The following PDGFD variants were observed in gnomAD, a reference collection of about 807,000 sequenced individuals.
PDGFD encodes platelet derived growth factor D, also known as platelet-derived growth factor D.
Under a neutral mutation model 44.7 loss-of-function variants are expected in PDGFD, and 30 were observed. The ratio of observed to expected loss-of-function variants is 0.67; its 90% CI spans 0.50 to 0.91. PDGFD has a LOEUF of 0.91. PDGFD is among the 40% of genes least tolerant of loss of function. PDGFD has a pLI of 0.00. For synonymous variants in PDGFD, 173 were observed against 168.4 expected (o/e 1.03, Z -0.21); for missense variants, 445 against 457.8 (o/e 0.97, Z 0.25).
intron 1 of PDGFD, among the ~76,000 whole-genome samples, chr11:104,149,846 AT>A (rs374747702): frequency 5.9e-4 from 89 of 150,728 alleles, no homozygotes; most frequent in African/African-American, 1.7e-3. Context: ...CCGGAAATTG[AT>A]TTTTTTTTTC....
At chr11:104,048,958 G>A (rs1860484548) in intron 1 of PDGFD, among the ~76,000 whole-genome samples, 1 of 152,104 alleles carries the variant, frequency 6.6e-6, no homozygotes, top group South Asian at 2.1e-4. Flanking sequence ...CAAAAAACCT[G>A]TAAGAATTAA....
chr11:103,963,505 C>G lies in PDGFD; in HGVS notation c.511-15781G>C, dbSNP rs1185906612. 4.6e-5 allele frequency among the ~76,000 whole-genome samples: 7 copies of G among 152,108 alleles called. 1 individual carries two copies. The highest frequency in any genetic ancestry group is 2.0e-4 in the Admixed American group (3 of 15,252). ...CAGTCCTTCACCACCCCATAATTAT[C>G]TACGATATCGTTCGTACAAAAGTAG... On this transcript the variant is annotated intron_variant, in intron 3 of 6. Transcript: ENST00000393158.
intron 1 of PDGFD, among the ~76,000 whole-genome samples, chr11:104,158,496 A>G (rs965000511): frequency 6.6e-6 from 1 of 152,258 alleles, no homozygotes; most frequent in African/African-American, 2.4e-5. Context: ...CCAGATGCTC[A>G]GTTACTTAGC....
chr11:104,152,593 A>G (rs1401324929), intron 1 of PDGFD, among the ~76,000 whole-genome samples: 1 of 152,114 alleles, frequency 6.6e-6, no homozygotes, highest in Non-Finnish European at 1.5e-5. Context: ...GTACTCAAAT[A>G]CTAATATTGG....
chr11:104,080,899 AAC>A (rs1273910832), intron 1 of PDGFD, among the ~76,000 whole-genome samples: 1 of 152,198 alleles, frequency 6.6e-6, no homozygotes, highest in African/African-American at 2.4e-5. Flanking sequence ...TATGGGGAAA[AAC>A]AGAGGCCTCC....
intron 1 of PDGFD, among the ~76,000 whole-genome samples, chr11:104,081,043 A>C (rs1005159612): frequency 3.3e-5 from 5 of 152,240 alleles, no homozygotes; most frequent in African/African-American, 1.2e-4. Context: ...TAAAACAATT[A>C]GTAGAGTCAG....
At chr11:104,153,758 C>A (rs966443051) in intron 1 of PDGFD, among the ~76,000 whole-genome samples, 2 of 152,098 alleles carry the variant, frequency 1.3e-5, no homozygotes, top group Non-Finnish European at 2.9e-5. Context: ...TTGTATACCT[C>A]AAATAGCAAA....
intron 3 of PDGFD, among the ~76,000 whole-genome samples, chr11:103,953,964 T>C (rs1858798249): frequency 1.3e-5 from 2 of 152,180 alleles, no homozygotes; most frequent in Admixed American, 1.3e-4. Context: ...TCAGGGTCAG[T>C]CAGGCATTTG....
chr11:104,146,642 T>C (rs1419064200), intron 1 of PDGFD, among the ~76,000 whole-genome samples: 1 of 152,140 alleles, frequency 6.6e-6, no homozygotes, highest in Admixed American at 6.6e-5. Context: ...AAGGGGCCAA[T>C]CAAGGGGATG....
intron 3 of PDGFD, among the ~76,000 whole-genome samples, chr11:103,952,001 T>A (rs1858766315): frequency 6.6e-6 from 1 of 152,178 alleles, no homozygotes; most frequent in East Asian, 1.9e-4. Flanking sequence ...TGGCTCCCAG[T>A]GTATACATAA....
chr11:103,932,183 GA>G (rs1858411313), intron 5 of PDGFD, among the ~76,000 whole-genome samples: 1 of 149,512 alleles, frequency 6.7e-6, no homozygotes, highest in African/African-American at 2.5e-5. Context: ...GGTTCAACAT[GA>G]GTTTTTTTTT....
chr11:104,114,994 T>C (rs1861612217), intron 1 of PDGFD, among the ~76,000 whole-genome samples: 1 of 151,620 alleles, frequency 6.6e-6, no homozygotes, highest in Non-Finnish European at 1.5e-5. Context: ...GGTGTTCCCC[T>C]CACCCGAGCA....
At chr11:104,033,341 C>T (rs957477956) in intron 1 of PDGFD, among the ~76,000 whole-genome samples, 23 of 152,096 alleles carry the variant, frequency 1.5e-4, no homozygotes, top group African/African-American at 5.3e-4. Flanking sequence ...CCAAGGGATC[C>T]CTGCCAACCC....
intron 3 of PDGFD, among the ~76,000 whole-genome samples, chr11:103,951,949 C>G (rs1332564691): frequency 2.0e-5 from 3 of 152,182 alleles, no homozygotes; most frequent in Non-Finnish European, 4.4e-5. Context: ...TTACTCTATT[C>G]CAAGTTTCTA....
chr11:104,123,078 C>T (rs1861800168), intron 1 of PDGFD, among the ~76,000 whole-genome samples: 1 of 151,930 alleles, frequency 6.6e-6, no homozygotes. Context: ...AGAATGTTTT[C>T]CTAGGAATTT....
At chr11:104,028,747 C>T (rs1238762528) in intron 1 of PDGFD, among the ~76,000 whole-genome samples, 2 of 147,554 alleles carry the variant, frequency 1.4e-5, no homozygotes, top group Non-Finnish European at 3.0e-5. Flanking sequence ...AGTCTTTGTT[C>T]ACAGTTAATA....
intron 1 of PDGFD, among the ~76,000 whole-genome samples, chr11:104,070,143 C>A (rs1860853198): frequency 6.6e-6 from 1 of 152,164 alleles, no homozygotes; most frequent in Non-Finnish European, 1.5e-5. Flanking sequence ...CTTGGACTTT[C>A]CTTGCCCCAG....
chr11:103,976,128 A>G (rs1295240044), intron 3 of PDGFD, among the ~76,000 whole-genome samples: 1 of 152,122 alleles, frequency 6.6e-6, no homozygotes, highest in Non-Finnish European at 1.5e-5. Context: ...CTATCCATGA[A>G]TATGGAATGT....
chr11:103,977,714 T>C (rs952972883), intron 3 of PDGFD, among the ~76,000 whole-genome samples: 1 of 152,100 alleles, frequency 6.6e-6, no homozygotes, highest in Admixed American at 6.6e-5. Context: ...GATTAAAACA[T>C]ACCATGTGTG....
Sources: gnomAD v4.1 joint callset for allele counts (sites outside exome capture counted in the v4.1 genomes callset) on GRCh38, gnomAD v4.1.1 for gene constraint, MANE v1.5 for transcripts, NCBI Gene and HGNC (gene_info 2026-07-23, HGNC 2026-07-21) for gene names.